The following ZFAND3 variants were observed in gnomAD, a reference collection of about 807,000 sequenced individuals.
ZFAND3 encodes the protein AN1-type zinc finger protein 3.
A neutral mutation model predicts 29.6 loss-of-function variants in ZFAND3; 10 were observed. That is an observed-to-expected ratio of 0.34 (90% CI 0.21 to 0.57). The LOEUF (loss-of-function observed/expected upper bound fraction) is 0.57. ZFAND3 is among the 20% of genes least tolerant of loss of function. ZFAND3 has a pLI of 0.86. For missense variants in ZFAND3, 230 were observed against 304.5 expected (o/e 0.76, Z 1.82); for synonymous variants, 128 against 112.6 (o/e 1.14, Z -0.87).
chr6:37,895,882 A>G (rs1026490355), intron 1 of ZFAND3, among the ~76,000 whole-genome samples: 1 of 152,144 alleles, frequency 6.6e-6, no homozygotes, highest in Non-Finnish European at 1.5e-5. Flanking sequence ...TCTAGGGTTC[A>G]TTTACTCCAC....
rs1416827894 is a variant in ZFAND3 at position 38,082,456 on chromosome 6, A to G, written c.360A>G (p.Thr120=). The G allele has an allele frequency of 1.2e-6, 2 of 1,611,284 alleles. No homozygotes were observed. Among genetic ancestry groups the G allele is most frequent in the Non-Finnish European group, 8.5e-7 (1 of 1,178,348 alleles). Residue 120 remains threonine (T), a splice_region_variant and synonymous_variant, in exon 4 of 6, where the codon ACA becomes ACG. Transcript: ENST00000287218. ...CACCAACAAAAAGATCCTGTGGTACAGGTATGTACGTCATTCTTATGTGAA... is the reference window on the plus strand; with the variant it reads ...CACCAACAAAAAGATCCTGTGGTACGGGTATGTACGTCATTCTTATGTGAA... ...LITPTKRSCG[T]DSQSENEASP... is the part of the protein sequence containing the mutation.
At chr6:37,917,333 T>G (rs1761279012) in intron 1 of ZFAND3, among the ~76,000 whole-genome samples, 1 of 152,190 alleles carries the variant, frequency 6.6e-6, no homozygotes, top group South Asian at 2.1e-4. Context: ...CGTCCCACCT[T>G]CAAGCTAAGC....
At chr6:37,927,109 C>T (rs1761499135) in intron 1 of ZFAND3, among the ~76,000 whole-genome samples, 1 of 152,048 alleles carries the variant, frequency 6.6e-6, no homozygotes, top group South Asian at 2.1e-4. Flanking sequence ...AAATTTCTAT[C>T]CAGAATGTGG....
chr6:37,960,712 T>C (rs1762179769), intron 2 of ZFAND3, among the ~76,000 whole-genome samples: 1 of 152,084 alleles, frequency 6.6e-6, no homozygotes, highest in Admixed American at 6.5e-5. Flanking sequence ...CTCATCACAG[T>C]TTTTACTCAT....
intron 1 of ZFAND3, among the ~76,000 whole-genome samples, chr6:37,888,639 A>G (rs1214136979): frequency 6.6e-6 from 1 of 152,106 alleles, no homozygotes; most frequent in Non-Finnish European, 1.5e-5. Flanking sequence ...ATTAGTTTAT[A>G]TTTTTGTTTA....
In ZFAND3 at chr6:37,991,537, G is replaced by A. The variant is rs1581819675; in HGVS notation, c.112+61538G>A. On this transcript the variant is annotated intron_variant, in intron 2 of 5. Coordinates refer to ENST00000287218, the MANE Select transcript of ZFAND3 (RefSeq NM_021943.3). Reference sequence around the variant, plus strand: ...CTGGCTAATTTTTGTATTTTTAGTAGAAATGGGGTTTTACCATGTTGGCCA... The same window carrying A: ...CTGGCTAATTTTTGTATTTTTAGTAAAAATGGGGTTTTACCATGTTGGCCA... Among the ~76,000 whole-genome samples the A allele has an allele frequency of 2.0e-5, 3 of 152,020 alleles. No individual in the cohort carries two copies. In the South Asian group the frequency reaches 6.2e-4, roughly 31 times the overall value.
intron 4 of ZFAND3, among the ~76,000 whole-genome samples, chr6:38,114,469 C>T (rs1765378365): frequency 6.6e-6 from 1 of 152,256 alleles, no homozygotes; most frequent in South Asian, 2.1e-4. Context: ...ATAGGCTGAA[C>T]TTGCCTTCAA....
chr6:38,127,773 A>G (rs1430695447), intron 5 of ZFAND3, among the ~76,000 whole-genome samples: 1 of 152,088 alleles, frequency 6.6e-6, no homozygotes, highest in Non-Finnish European at 1.5e-5. Context: ...TGTGTGCTAA[A>G]TAGTGGTATT....
At chr6:37,866,452 GAATTA>G (rs1445842222) in intron 1 of ZFAND3, among the ~76,000 whole-genome samples, 6 of 152,100 alleles carry the variant, frequency 3.9e-5, no homozygotes, top group East Asian at 1.9e-4. Context: ...AATAAGAATA[GAATTA>G]AATTAAAAGA....
intron 1 of ZFAND3, among the ~76,000 whole-genome samples, chr6:37,879,722 T>C (rs1764856676): frequency 6.6e-6 from 1 of 152,236 alleles, no homozygotes; most frequent in Non-Finnish European, 1.5e-5. Context: ...GTAGAAGATA[T>C]TATCCTGCCT....
At chr6:37,883,845 G>A (rs532708527) in intron 1 of ZFAND3, among the ~76,000 whole-genome samples, 2 of 145,386 alleles carry the variant, frequency 1.4e-5, no homozygotes, top group African/African-American at 5.5e-5. Flanking sequence ...CGGCTTGATG[G>A]ATACCTTTTC....
intron 1 of ZFAND3, among the ~76,000 whole-genome samples, chr6:37,901,080 G>T (rs1765310964): frequency 6.6e-6 from 1 of 152,040 alleles, no homozygotes; most frequent in Non-Finnish European, 1.5e-5. Context: ...TTTATTGAAA[G>T]ATAGGCTACT....
chr6:37,975,946 G>A (rs1762470008), intron 2 of ZFAND3, among the ~76,000 whole-genome samples: 1 of 152,146 alleles, frequency 6.6e-6, no homozygotes, highest in African/African-American at 2.4e-5. Context: ...TGGGATTGCT[G>A]TGAATGTGTA....
chr6:37,832,194 G>A (rs1485696723), intron 1 of ZFAND3, among the ~76,000 whole-genome samples: 3 of 152,146 alleles, frequency 2.0e-5, no homozygotes, highest in Admixed American at 2.0e-4. Flanking sequence ...GCAGTAGGGG[G>A]CTGAAAATAA....
rs558671879 is a variant in ZFAND3 at position 37,939,933 on chromosome 6, C to T, written c.112+9934C>T. 2.2e-4 allele frequency among the ~76,000 whole-genome samples: 34 copies of T among 151,998 alleles called. 1 individual carries two copies. The highest frequency in any genetic ancestry group is 3.2e-4 in the Non-Finnish European group (22 of 67,984). ...TGCACGCCTGTAATCCCAGCTACTCCGGAAACTGAGGCAGGAGAATCACTT... is the reference window on the plus strand; with the variant it reads ...TGCACGCCTGTAATCCCAGCTACTCTGGAAACTGAGGCAGGAGAATCACTT... On this transcript the variant is annotated intron_variant, in intron 2 of 5. Transcript: ENST00000287218.
At chr6:37,908,743 GA>G (rs202057469) in intron 1 of ZFAND3, among the ~76,000 whole-genome samples, 12,725 of 97,308 alleles carry the variant, frequency 0.13, 829 homozygotes, top group East Asian at 0.3. Context: ...AATTTTCAAA[GA>G]AAAAAAAAAA....
intron 5 of ZFAND3, among the ~76,000 whole-genome samples, chr6:38,122,449 A>G (rs1024127216): frequency 1.3e-5 from 2 of 152,204 alleles, no homozygotes; most frequent in Non-Finnish European, 2.9e-5. Flanking sequence ...ATGGATATGG[A>G]CAACCGACTG....
At chr6:37,883,084 A>G (rs1171024747) in intron 1 of ZFAND3, among the ~76,000 whole-genome samples, 1 of 152,142 alleles carries the variant, frequency 6.6e-6, no homozygotes, top group Non-Finnish European at 1.5e-5. Context: ...TTAGCTCGGT[A>G]TAGAGTTGTG....
chr6:37,931,542 CAA>C (rs34959839), intron 2 of ZFAND3, among the ~76,000 whole-genome samples: 13 of 81,958 alleles, frequency 1.6e-4, no homozygotes, highest in East Asian at 2.9e-4. Context: ...GACTCCGTCT[CAA>C]AAAAAAAAAA....
Sources: allele counts gnomAD v4.1 joint callset (sites outside exome capture counted in the v4.1 genomes callset), GRCh38; gene constraint gnomAD v4.1.1; transcripts MANE v1.5; gene names NCBI Gene and HGNC (gene_info 2026-07-23, HGNC 2026-07-21).